CDH13: variants seen among roughly 807,000 people sequenced by gnomAD.
CDH13 encodes cadherin-13.
CDH13 carries 24 observed loss-of-function variants against 63.8 expected under a neutral mutation model. That is an observed-to-expected ratio of 0.38 (90% CI 0.27 to 0.53). The LOEUF (loss-of-function observed/expected upper bound fraction) is 0.53, where lower values mean the gene tolerates loss of function less well. Among genes scored for constraint, CDH13 ranks in the 20% least tolerant of loss-of-function variants. The probability of loss-of-function intolerance (pLI) is 0.85; values close to 1 mark genes in which losing one functional copy is unlikely to be tolerated. For synonymous variants in CDH13, 503 were observed against 355.3 expected (o/e 1.42, Z -4.67); for missense variants, 1,049 against 903.1 (o/e 1.16, Z -2.07).
At chr16:83,011,107 G>A (rs1914107380) in intron 2 of CDH13, among the ~76,000 whole-genome samples, 2 of 152,116 alleles carry the variant, frequency 1.3e-5, no homozygotes, top group South Asian at 4.2e-4. Flanking sequence ...CAATCTTTGG[G>A]GCTCAGTTTA....
chr16:83,118,145 C>T (rs139231901), intron 3 of CDH13, among the ~76,000 whole-genome samples: 54 of 152,240 alleles, frequency 3.5e-4, no homozygotes, highest in African/African-American at 1.0e-3. Context: ...GATCACTGTC[C>T]GGAGACTGCT....
At position 83,183,391 on chromosome 16, in the gene CDH13, G is replaced by A. The variant is rs137968194; in HGVS notation, c.484-33954G>A. Among the ~76,000 whole-genome samples, 583 of 152,276 alleles carry A rather than the reference G, an allele frequency of 3.8e-3. 4 individuals are homozygous for A. The highest frequency in any genetic ancestry group is 0.014 in the South Asian group (67 of 4,810). On this transcript the variant is annotated intron_variant, in intron 4 of 13. Transcript: ENST00000567109. ...TGCTATGACCTTCCACGCACACGAC[G>A]TGAAGCCATGGATTTGTTTCCTAGG...
At chr16:83,684,164 C>T (rs952892283) in intron 10 of CDH13, among the ~76,000 whole-genome samples, 1 of 152,108 alleles carries the variant, frequency 6.6e-6, no homozygotes, top group Non-Finnish European at 1.5e-5. Flanking sequence ...ATCAGGAGTT[C>T]GAGACCAGCC....
At chr16:82,837,085 ACAAATATG>A (rs1314581716) in intron 1 of CDH13, among the ~76,000 whole-genome samples, 1 of 152,218 alleles carries the variant, frequency 6.6e-6, no homozygotes, top group East Asian at 1.9e-4. Context: ...TGGAAGTCAA[ACAAATATG>A]CAAAAGCGTC....
intron 1 of CDH13, among the ~76,000 whole-genome samples, chr16:82,852,072 G>T (rs1387747894): frequency 6.6e-6 from 1 of 152,166 alleles, no homozygotes. Context: ...TCTTGGAGCT[G>T]GTTTAAGAGG....
chr16:83,494,197 G>C (rs117534994), intron 7 of CDH13, among the ~76,000 whole-genome samples: 2,205 of 152,192 alleles, frequency 0.014, 17 homozygotes, highest in Non-Finnish European at 0.023. Context: ...GATGAATTTA[G>C]AGTACTTCTC....
chr16:83,201,546 G>A (rs1338764233), intron 4 of CDH13, among the ~76,000 whole-genome samples: 1 of 152,120 alleles, frequency 6.6e-6, no homozygotes, highest in Non-Finnish European at 1.5e-5. Flanking sequence ...CACTGGGAAA[G>A]GGGGCTGGGA....
chr16:83,195,779 A>C (rs1198346751), intron 4 of CDH13, among the ~76,000 whole-genome samples: 1 of 152,226 alleles, frequency 6.6e-6, no homozygotes, highest in Non-Finnish European at 1.5e-5. Flanking sequence ...TACATGGATC[A>C]GTGGAAGGGA....
chr16:83,405,430 T>C (rs998099398), intron 6 of CDH13, among the ~76,000 whole-genome samples: 1 of 152,152 alleles, frequency 6.6e-6, no homozygotes, highest in African/African-American at 2.4e-5. Flanking sequence ...TCACCAGTGG[T>C]CAGAGAGGAA....
chr16:82,774,597 G>A (rs1269412534), intron 1 of CDH13, among the ~76,000 whole-genome samples: 1 of 152,162 alleles, frequency 6.6e-6, no homozygotes, highest in Non-Finnish European at 1.5e-5. Context: ...TCTGTGCCAT[G>A]TCCTTTCATA....
chr16:83,735,783 C>G (rs1158855394), intron 10 of CDH13: 1 of 152,132 alleles, frequency 6.6e-6, no homozygotes, highest in Non-Finnish European at 1.5e-5. Context: ...CAGGTAGATA[C>G]CAGGAGTAAG....
chr16:83,301,186 C>T (rs1048814232), intron 5 of CDH13, among the ~76,000 whole-genome samples: 1 of 151,818 alleles, frequency 6.6e-6, no homozygotes, highest in African/African-American at 2.4e-5. Flanking sequence ...CGCCCACCAC[C>T]ACGCCCGGCT....
intron 6 of CDH13, among the ~76,000 whole-genome samples, chr16:83,374,187 C>T (rs746803995): frequency 6.6e-6 from 1 of 152,196 alleles, no homozygotes; most frequent in African/African-American, 2.4e-5. Flanking sequence ...AGTCCAACCC[C>T]TTAGCCTGCA....
chr16:83,261,615 A>C (rs1006267303), intron 5 of CDH13, among the ~76,000 whole-genome samples: 3 of 152,132 alleles, frequency 2.0e-5, no homozygotes, highest in Non-Finnish European at 4.4e-5. Context: ...CCCATGACAA[A>C]GAAATTATCC....
intron 2 of CDH13, among the ~76,000 whole-genome samples, chr16:82,910,312 C>T (rs567571698): frequency 5.9e-5 from 9 of 152,310 alleles, no homozygotes; most frequent in African/African-American, 2.2e-4. Flanking sequence ...CTTGTACATG[C>T]TTCTCTCTGC....
intron 2 of CDH13, among the ~76,000 whole-genome samples, chr16:82,981,462 C>T (rs980332965): frequency 6.6e-6 from 1 of 152,070 alleles, no homozygotes; most frequent in Non-Finnish European, 1.5e-5. Flanking sequence ...CATTCTCCAC[C>T]TGCCACAGCA....
chr16:82,671,342 C>T (rs945740333), intron 1 of CDH13, among the ~76,000 whole-genome samples: 2 of 152,316 alleles, frequency 1.3e-5, no homozygotes, highest in Admixed American at 6.5e-5. Context: ...AGTATGTACA[C>T]TGTTACGAGG....
intron 6 of CDH13, among the ~76,000 whole-genome samples, chr16:83,464,925 G>C (rs1298009019): frequency 1.3e-5 from 2 of 152,160 alleles, no homozygotes; most frequent in African/African-American, 4.8e-5. Context: ...TTACAGGCAT[G>C]AGCCACTAGA....
intron 5 of CDH13, among the ~76,000 whole-genome samples, chr16:83,253,573 A>G (rs1905849330): frequency 6.6e-6 from 1 of 152,198 alleles, no homozygotes; most frequent in Non-Finnish European, 1.5e-5. Flanking sequence ...TGTCAACCTC[A>G]GGGGCTGCTC....
Sources: allele counts gnomAD v4.1 joint callset (sites outside exome capture counted in the v4.1 genomes callset), GRCh38; gene constraint gnomAD v4.1.1; transcripts MANE v1.5; gene names NCBI Gene and HGNC (gene_info 2026-07-23, HGNC 2026-07-21).